Variants in RGS7BP observed in about 807,000 individuals in gnomAD.
RGS7BP encodes regulator of G protein signaling 7-binding protein.
In RGS7BP, 9 loss-of-function variants were observed where a neutral mutation model predicts 31.3. The observed-to-expected ratio is 0.29, with a 90% CI of 0.17 to 0.50. The LOEUF (loss-of-function observed/expected upper bound fraction) is 0.50. Ranked by LOEUF, RGS7BP falls within the 20% of genes least tolerant of loss-of-function variation. The pLI is 0.98. For missense variants in RGS7BP, 274 were observed against 322.0 expected (o/e 0.85, Z 1.14); for synonymous variants, 115 against 120.1 (o/e 0.96, Z 0.28).
At position 64,506,802 on chromosome 5, in the gene RGS7BP, T is replaced by C. The variant is rs202181664; in HGVS notation, c.165+13T>C. ...CGACTGCAAGATGGTGGGTGAAAAC[T>C]GCGCCTCTTTTTTTTTTTTTTTAAT... On this transcript the variant is annotated intron_variant, in intron 1 of 5. Transcript: ENST00000334025. The surrounding 1 kb of genome is among the most constrained non-coding windows in gnomAD (Gnocchi z 4.6). 1.5e-5 allele frequency: 23 copies of C among 1,489,966 alleles called. No homozygotes were observed. In the Admixed American group the frequency reaches 4.9e-4, roughly 32 times the overall value. 92.3% of individuals were successfully genotyped at this position (1,489,966 alleles called of 1,614,324 possible).
intron 2 of RGS7BP, among the ~76,000 whole-genome samples, chr5:64,566,047 G>T (rs546295225): frequency 6.6e-6 from 1 of 152,180 alleles, no homozygotes; most frequent in East Asian, 1.9e-4. Flanking sequence ...ACTGCAAAAG[G>T]CTGGGGAAGA....
At chr5:64,540,499 T>C (rs1031715167) in intron 2 of RGS7BP, among the ~76,000 whole-genome samples, 4 of 152,348 alleles carry the variant, frequency 2.6e-5, no homozygotes, top group African/African-American at 9.6e-5. Flanking sequence ...TTTTCACTTT[T>C]TTCAATTATA....
At chr5:64,537,990 A>G (rs2111800206) in intron 2 of RGS7BP, among the ~76,000 whole-genome samples, 1 of 152,290 alleles carries the variant, frequency 6.6e-6, no homozygotes, top group East Asian at 1.9e-4. Flanking sequence ...TGTTTCATCC[A>G]AGTAAATAGA....
At chr5:64,543,334 T>C (rs1580414615) in intron 2 of RGS7BP, among the ~76,000 whole-genome samples, 1 of 152,268 alleles carries the variant, frequency 6.6e-6, no homozygotes, top group African/African-American at 2.4e-5. Flanking sequence ...CAGAAACTAA[T>C]GCTGAATCGG....
chr5:64,534,039 C>A (rs1416509555), intron 2 of RGS7BP, among the ~76,000 whole-genome samples: 2 of 152,110 alleles, frequency 1.3e-5, no homozygotes. Flanking sequence ...AATATGAGAG[C>A]AAGTGTGCTG....
chr5:64,538,117 G>A (rs1358897627), intron 2 of RGS7BP, among the ~76,000 whole-genome samples: 1 of 152,044 alleles, frequency 6.6e-6, no homozygotes, highest in Non-Finnish European at 1.5e-5. Context: ...CATATACATA[G>A]CTAATTTTAA....
Position 64,572,320 on chromosome 5 carries a change from CA to C in RGS7BP, c.333-3449del, listed in dbSNP as rs554460812. Among the ~76,000 whole-genome samples the C allele has an allele frequency of 6.6e-5, 10 of 152,204 alleles. No homozygotes were observed. In the South Asian group the frequency reaches 2.1e-3, roughly 32 times the overall value. On this transcript the variant is annotated intron_variant, in intron 2 of 5. Coordinates refer to ENST00000334025, the MANE Select transcript of RGS7BP (RefSeq NM_001029875.3). ...TAACGCAAATGCTCTTAATGTTTCC[CA>C]AAAATGTATTTCAGTTCACTGCTTA... is the stretch of plus-strand genomic sequence containing the variant.
At chr5:64,593,673 G>T (rs1420545165) in intron 3 of RGS7BP, among the ~76,000 whole-genome samples, 1 of 152,098 alleles carries the variant, frequency 6.6e-6, no homozygotes, top group Non-Finnish European at 1.5e-5. Flanking sequence ...TTTAACTCCA[G>T]CACTGTAAGC....
chr5:64,601,293 C>T (rs748358698), intron 5 of RGS7BP: 11 of 175,052 alleles, frequency 6.3e-5, no homozygotes, highest in Non-Finnish European at 1.1e-4. Context: ...AAAATGCTGC[C>T]GACTGAGTCC....
chr5:64,582,628 T>C (rs1334436486), intron 3 of RGS7BP, among the ~76,000 whole-genome samples: 1 of 152,136 alleles, frequency 6.6e-6, no homozygotes, highest in Non-Finnish European at 1.5e-5. Flanking sequence ...AGATAAAATA[T>C]GCAGAGGAGA....
At chr5:64,567,154 C>A (rs191845109) in intron 2 of RGS7BP, among the ~76,000 whole-genome samples, 2 of 150,590 alleles carry the variant, frequency 1.3e-5, no homozygotes, top group Non-Finnish European at 3.0e-5. Flanking sequence ...ACCCAGAGGA[C>A]CACCCAGAAC....
chr5:64,563,821 A>G (rs1253495837), intron 2 of RGS7BP, among the ~76,000 whole-genome samples: 1 of 152,230 alleles, frequency 6.6e-6, no homozygotes, highest in Non-Finnish European at 1.5e-5. Flanking sequence ...AGTTTCAAAA[A>G]TAAGTCTGTC....
chr5:64,575,478 C>T (rs947598962), intron 2 of RGS7BP, among the ~76,000 whole-genome samples: 4 of 152,176 alleles, frequency 2.6e-5, no homozygotes, highest in Non-Finnish European at 5.9e-5. Context: ...GAAATTTGTT[C>T]CAACAGCTCA....
At chr5:64,509,324 CTG>C (rs1332551208) in intron 2 of RGS7BP, among the ~76,000 whole-genome samples, 2 of 152,164 alleles carry the variant, frequency 1.3e-5, no homozygotes, top group Admixed American at 1.3e-4. Context: ...AGTAGCAACT[CTG>C]TAAACTTTGT....
At position 64,611,856 on chromosome 5, in the gene RGS7BP, A is replaced by G. The variant is rs181240624; in HGVS notation, c.*2604A>G. The G allele has an allele frequency of 6.6e-6, 1 of 151,818 alleles. No individual in the cohort carries two copies. The highest frequency in any genetic ancestry group is 1.5e-5 in the Non-Finnish European group (1 of 67,866). 9.4% of individuals were successfully genotyped at this position (151,818 alleles called of 1,614,324 possible). A position where few individuals can be genotyped will look rare whatever the true frequency, so the allele number is the denominator to read the frequency against. On this transcript the variant is annotated 3_prime_UTR_variant, in exon 6 of 6. Coordinates refer to ENST00000334025, the MANE Select transcript of RGS7BP (RefSeq NM_001029875.3). ...TGCCCCACTCTCCTCTCACCTACCA[A>G]AGGATTTTCTCAGGTGTGGTTCCAA...
Position 64,506,824 on chromosome 5 carries a change from T to A in RGS7BP, c.165+35T>A. ...AACTGCGCCTCTTTTTTTTTTTTTT[T>A]AATTGAGAGGGGGTGGGGGGAGTCA... On this transcript the variant is annotated intron_variant, in intron 1 of 5. Coordinates refer to ENST00000334025, the MANE Select transcript of RGS7BP (RefSeq NM_001029875.3). This position sits in a 1 kb window ranked among gnomAD's most constrained non-coding sequence, Gnocchi z 4.6. The A allele has an allele frequency of 4.7e-6, 7 of 1,494,474 alleles. No homozygotes were observed. Among genetic ancestry groups the A allele is most frequent in the South Asian group, 1.3e-5 (1 of 78,874 alleles). 92.6% of individuals were successfully genotyped at this position (1,494,474 alleles called of 1,614,324 possible).
At chr5:64,571,975 C>A (rs1326774940) in intron 2 of RGS7BP, among the ~76,000 whole-genome samples, 1 of 152,074 alleles carries the variant, frequency 6.6e-6, no homozygotes, top group Admixed American at 6.6e-5. Flanking sequence ...AATAAATAAT[C>A]ACAATCTAGT....
chr5:64,520,655 G>A (rs1749082436), intron 2 of RGS7BP, among the ~76,000 whole-genome samples: 1 of 152,184 alleles, frequency 6.6e-6, no homozygotes, highest in African/African-American at 2.4e-5. Context: ...CCCAGGTCTG[G>A]GTAGGCTGAA....
chr5:64,594,952 G>T, intron 4 of RGS7BP, 95 bp downstream of exon 4: 1 of 1,327,234 alleles, frequency 7.5e-7, no homozygotes. Context: ...TTCAGATTCA[G>T]AAACAGAGCT....
Sources: allele counts gnomAD v4.1 joint callset (sites outside exome capture counted in the v4.1 genomes callset), GRCh38; gene constraint gnomAD v4.1.1; non-coding constraint Gnocchi (gnomAD v3.1); transcripts MANE v1.5; gene names NCBI Gene and HGNC (gene_info 2026-07-23, HGNC 2026-07-21).